Variants in ATRNL1 observed in about 807,000 individuals in gnomAD.
ATRNL1 encodes attractin-like protein 1.
Under a neutral mutation model 182.7 loss-of-function variants are expected in ATRNL1, and 95 were observed. The observed-to-expected ratio is 0.52, with a 90% CI of 0.44 to 0.62. The LOEUF (loss-of-function observed/expected upper bound fraction) is 0.62, where lower values mean the gene tolerates loss of function less well. Ranked by LOEUF, ATRNL1 falls within the 20% of genes least tolerant of loss-of-function variation. The pLI is 0.00. For missense variants in ATRNL1, 1,471 were observed against 1,679.5 expected (o/e 0.88, Z 2.17); for synonymous variants, 576 against 568.3 (o/e 1.01, Z -0.19).
chr10:115,494,284 A>G (rs1162254269), intron 24 of ATRNL1, among the ~76,000 whole-genome samples: 6 of 152,078 alleles, frequency 3.9e-5, no homozygotes, highest in African/African-American at 4.8e-5. Flanking sequence ...TTGTGAAGAG[A>G]GATAGTTTGA....
At chr10:115,170,616 T>G (rs1847249944) in intron 7 of ATRNL1, among the ~76,000 whole-genome samples, 2 of 151,478 alleles carry the variant, frequency 1.3e-5, no homozygotes. Flanking sequence ...AATCAGCAAC[T>G]TAGTTTGTTA....
In ATRNL1 at chr10:115,746,856, A is replaced by G. The variant is rs143927957; in HGVS notation, c.3903+19501A>G. ...TAACTAACCATGTTAGGGGTCACCT[A>G]TAACAAACTACAATAATTGAGAAAG... On this transcript the variant is annotated intron_variant, in intron 27 of 28. Transcript: ENST00000355044. Among the ~76,000 whole-genome samples the G allele has an allele frequency of 3.8e-4, 58 of 152,270 alleles. No homozygotes were observed. In the East Asian group the frequency reaches 7.3e-3, roughly 19 times the overall value.
At chr10:115,268,971 G>T (rs530353336) in intron 13 of ATRNL1, among the ~76,000 whole-genome samples, 80 of 152,278 alleles carry the variant, frequency 5.3e-4, no homozygotes, top group African/African-American at 1.9e-3. Flanking sequence ...GAGACATTTT[G>T]GTTGTCACAA....
At chr10:115,722,782 G>A (rs112143569) in intron 26 of ATRNL1, among the ~76,000 whole-genome samples, 1 of 151,830 alleles carries the variant, frequency 6.6e-6, no homozygotes, top group Non-Finnish European at 1.5e-5. Flanking sequence ...TTGCAGTATT[G>A]CCATAAGCTA....
At chr10:115,146,420 CAG>C (rs1845973997) in intron 5 of ATRNL1, among the ~76,000 whole-genome samples, 1 of 151,988 alleles carries the variant, frequency 6.6e-6, no homozygotes, top group South Asian at 2.1e-4. Flanking sequence ...ATGATGAAGT[CAG>C]GGTATTTGGG....
At chr10:115,143,724 CAGAG>C (rs142946817) in intron 5 of ATRNL1, among the ~76,000 whole-genome samples, 10 of 150,202 alleles carry the variant, frequency 6.7e-5, no homozygotes, top group Non-Finnish European at 1.5e-4. Flanking sequence ...AAGAGAGAGC[CAGAG>C]AGAGAGAGAG....
intron 20 of ATRNL1, among the ~76,000 whole-genome samples, chr10:115,396,022 G>A (rs1447973169): frequency 4.6e-5 from 7 of 151,588 alleles, no homozygotes; most frequent in Admixed American, 2.0e-4. Context: ...TATACCTAAA[G>A]TCTATTAAGC....
chr10:115,424,764 T>A (rs967326356), intron 20 of ATRNL1, among the ~76,000 whole-genome samples: 2 of 151,980 alleles, frequency 1.3e-5, no homozygotes, highest in Admixed American at 1.3e-4. Flanking sequence ...TTATGAGAAT[T>A]GTGGTTGTGA....
chr10:115,746,090 T>C (rs1007410495), intron 27 of ATRNL1, among the ~76,000 whole-genome samples: 16 of 152,200 alleles, frequency 1.1e-4, no homozygotes, highest in African/African-American at 3.1e-4. Context: ...TGAGTGTACA[T>C]AGAAATAGAG....
At chr10:115,826,632 A>G (rs1033087696) in intron 27 of ATRNL1, among the ~76,000 whole-genome samples, 1 of 152,294 alleles carries the variant, frequency 6.6e-6, no homozygotes, top group South Asian at 2.1e-4. Context: ...AGTCACGGAC[A>G]CCGGAGAGCG....
At chr10:115,286,839 A>G (rs1359222719) in intron 15 of ATRNL1, among the ~76,000 whole-genome samples, 1 of 151,966 alleles carries the variant, frequency 6.6e-6, no homozygotes, top group Admixed American at 6.6e-5. Context: ...CTGAACATGT[A>G]CATACTTTTT....
intron 19 of ATRNL1, among the ~76,000 whole-genome samples, chr10:115,383,496 AT>A (rs1232990931): frequency 1.3e-5 from 2 of 151,894 alleles, no homozygotes; most frequent in African/African-American, 2.4e-5. Context: ...ACTTGCAGAC[AT>A]TTTCCCTTAC....
chr10:115,174,598 A>G (rs1408975049), intron 8 of ATRNL1, among the ~76,000 whole-genome samples: 1 of 151,978 alleles, frequency 6.6e-6, no homozygotes, highest in African/African-American at 2.4e-5. Context: ...AAATGACCAG[A>G]TAGTAAATAT....
At chr10:115,744,233 A>G (rs1367108912) in intron 27 of ATRNL1, among the ~76,000 whole-genome samples, 1 of 152,162 alleles carries the variant, frequency 6.6e-6, no homozygotes, top group Non-Finnish European at 1.5e-5. Flanking sequence ...AATTTCAAGC[A>G]GTTCCAAATA....
intron 7 of ATRNL1, among the ~76,000 whole-genome samples, chr10:115,170,501 G>A (rs1554885265): frequency 6.6e-6 from 1 of 152,122 alleles, no homozygotes; most frequent in Non-Finnish European, 1.5e-5. Flanking sequence ...AATGTGATAT[G>A]TCTTTTTGGT....
At chr10:115,801,389 G>A (rs1408882273) in intron 27 of ATRNL1, among the ~76,000 whole-genome samples, 4 of 152,182 alleles carry the variant, frequency 2.6e-5, no homozygotes, top group African/African-American at 4.8e-5. Flanking sequence ...AAAGATCAGT[G>A]AGAGGAAGAG....
At chr10:115,720,776 T>C (rs543571483) in intron 26 of ATRNL1, among the ~76,000 whole-genome samples, 91 of 152,356 alleles carry the variant, frequency 6.0e-4, no homozygotes, top group African/African-American at 2.1e-3. Context: ...TGTCTGAGCT[T>C]TGAACTAATT....
intron 26 of ATRNL1, among the ~76,000 whole-genome samples, chr10:115,557,117 G>A (rs1853357819): frequency 1.3e-5 from 2 of 152,014 alleles, no homozygotes; most frequent in South Asian, 4.2e-4. Flanking sequence ...GAGTTAAAAG[G>A]ATCTGATTTT....
chr10:115,670,337 T>C (rs1210473221), intron 26 of ATRNL1, among the ~76,000 whole-genome samples: 2 of 152,186 alleles, frequency 1.3e-5, no homozygotes, highest in Non-Finnish European at 2.9e-5. Flanking sequence ...TTTGCTCATT[T>C]AATTAGTTCC....
Sources: allele counts gnomAD v4.1 joint callset (sites outside exome capture counted in the v4.1 genomes callset), GRCh38; gene constraint gnomAD v4.1.1; transcripts MANE v1.5; gene names NCBI Gene and HGNC (gene_info 2026-07-23, HGNC 2026-07-21).